The following HS3ST5 variants were observed in gnomAD, a reference collection of about 807,000 sequenced individuals.
HS3ST5 encodes heparan sulfate glucosamine 3-O-sulfotransferase 5.
In HS3ST5, 10 loss-of-function variants were observed where a neutral mutation model predicts 25.4. The ratio of observed to expected loss-of-function variants is 0.39; its 90% CI spans 0.24 to 0.67. The LOEUF (loss-of-function observed/expected upper bound fraction) is 0.67, where lower values mean the gene tolerates loss of function less well. Ranked by LOEUF, HS3ST5 falls within the 30% of genes least tolerant of loss-of-function variation. The pLI is 0.44. For missense variants in HS3ST5, 324 were observed against 420.7 expected, an observed-to-expected ratio of 0.77 and a Z score of 2.01; for synonymous variants, 170 against 162.4, an observed-to-expected ratio of 1.05 and a Z score of -0.36.
At chr6:114,100,393 G>A (rs1248847707) in intron 3 of HS3ST5, among the ~76,000 whole-genome samples, 1 of 152,192 alleles carries the variant, frequency 6.6e-6, no homozygotes, top group Non-Finnish European at 1.5e-5. Flanking sequence ...ACTCATAGAC[G>A]AGCAGTAGTA....
chr6:114,064,647 G>A (rs1474201773), intron 3 of HS3ST5, among the ~76,000 whole-genome samples: 1 of 152,178 alleles, frequency 6.6e-6, no homozygotes, highest in Non-Finnish European at 1.5e-5. Flanking sequence ...GAGAATAGTG[G>A]CCAATTAAAT....
In HS3ST5 at chr6:114,266,948, T is replaced by C. The variant is rs1201226523; in HGVS notation, c.-338-38170A>G. ...AAGATACACTTTTTGGTACCTGTTG[T>C]TTTCATGTCTGCAGAGAACACTTGG... On this transcript the variant is annotated intron_variant, in intron 1 of 4. Coordinates refer to ENST00000312719, the MANE Select transcript of HS3ST5 (RefSeq NM_153612.4). 5.3e-5 allele frequency among the ~76,000 whole-genome samples: 8 copies of C among 152,316 alleles called. No homozygotes were observed. In the East Asian group the frequency reaches 1.3e-3, roughly 26 times the overall value.
chr6:114,192,535 TTGAATAA>T (rs1780552768), intron 2 of HS3ST5, among the ~76,000 whole-genome samples: 1 of 152,148 alleles, frequency 6.6e-6, no homozygotes, highest in East Asian at 1.9e-4. Context: ...TTGAAGGAAT[TTGAATAA>T]TGATACATTC....
intron 2 of HS3ST5, among the ~76,000 whole-genome samples, chr6:114,195,238 A>G (rs376170224): frequency 6.8e-4 from 104 of 152,282 alleles, no homozygotes; most frequent in African/African-American, 2.3e-3. Context: ...CTAGTTTTCT[A>G]GGTCAGGCCA....
intron 1 of HS3ST5, among the ~76,000 whole-genome samples, chr6:114,252,638 T>G (rs1280720821): frequency 1.3e-5 from 2 of 150,162 alleles, no homozygotes; most frequent in Non-Finnish European, 3.0e-5. Flanking sequence ...TGCCTTCTTT[T>G]GAAAAAAAAA....
chr6:114,285,233 T>G (rs747201972), intron 1 of HS3ST5, among the ~76,000 whole-genome samples: 1 of 151,880 alleles, frequency 6.6e-6, no homozygotes, highest in South Asian at 2.1e-4. Context: ...AAGTGGGAGC[T>G]GAATGATGAG....
In HS3ST5 at chr6:114,222,179, T is replaced by C. The variant is rs1437604957; in HGVS notation, c.-145+6406A>G. Reference sequence around the variant, plus strand: ...ATCTCACGTCTCATATCTTGTCATATTGTTTCTTATCCATTTTATGTTTTA... The same window carrying C: ...ATCTCACGTCTCATATCTTGTCATACTGTTTCTTATCCATTTTATGTTTTA... On this transcript the variant is annotated intron_variant, in intron 2 of 4. Transcript: ENST00000312719. Among the ~76,000 whole-genome samples the C allele has an allele frequency of 3.3e-5, 5 of 151,942 alleles. No homozygotes were observed. In the East Asian group the frequency reaches 5.8e-4, roughly 18 times the overall value.
chr6:114,171,780 G>A (rs1326112181), intron 2 of HS3ST5, among the ~76,000 whole-genome samples: 1 of 152,102 alleles, frequency 6.6e-6, no homozygotes, highest in Non-Finnish European at 1.5e-5. Context: ...TCTCAACTGT[G>A]AGATGCTTGT....
At chr6:114,284,986 C>G (rs140913255) in intron 1 of HS3ST5, among the ~76,000 whole-genome samples, 1 of 151,934 alleles carries the variant, frequency 6.6e-6, no homozygotes, top group Non-Finnish European at 1.5e-5. Flanking sequence ...TCTATTTGTA[C>G]GCTATTTTCA....
intron 1 of HS3ST5, among the ~76,000 whole-genome samples, chr6:114,291,253 C>T (rs1774564986): frequency 1.3e-5 from 2 of 152,088 alleles, no homozygotes; most frequent in Admixed American, 1.3e-4. Context: ...AAAACAGACA[C>T]ACAACTATGT....
intron 3 of HS3ST5, among the ~76,000 whole-genome samples, chr6:114,151,267 G>A (rs915658132): frequency 2.0e-5 from 3 of 152,168 alleles, no homozygotes; most frequent in African/African-American, 7.2e-5. Context: ...GTTCTACTTA[G>A]AGATCAAATG....
intron 1 of HS3ST5, among the ~76,000 whole-genome samples, chr6:114,239,419 G>T (rs1165209610): frequency 1.3e-5 from 2 of 152,158 alleles, no homozygotes; most frequent in East Asian, 3.9e-4. Flanking sequence ...GCCAAATGGG[G>T]CTAAAAGTGG....
intron 2 of HS3ST5, among the ~76,000 whole-genome samples, chr6:114,185,810 G>A (rs554508221): frequency 6.7e-6 from 1 of 150,244 alleles, no homozygotes; most frequent in East Asian, 2.0e-4. Context: ...TGCAATCCCA[G>A]CTCACGCAGC....
chr6:114,309,289 C>A (rs1343091131), intron 1 of HS3ST5, among the ~76,000 whole-genome samples: 1 of 152,114 alleles, frequency 6.6e-6, no homozygotes, highest in African/African-American at 2.4e-5. Flanking sequence ...ATAGAGTTGT[C>A]CAGAAGAGAT....
intron 1 of HS3ST5, among the ~76,000 whole-genome samples, chr6:114,310,628 G>A (rs1243194786): frequency 6.6e-6 from 1 of 151,556 alleles, no homozygotes; most frequent in Non-Finnish European, 1.5e-5. Flanking sequence ...GTTGTATATA[G>A]ATGCTCTTTG....
At chr6:114,107,197 T>G (rs1389634009) in intron 3 of HS3ST5, among the ~76,000 whole-genome samples, 3 of 152,116 alleles carry the variant, frequency 2.0e-5, no homozygotes, top group Non-Finnish European at 4.4e-5. Flanking sequence ...AAATAATTCA[T>G]CATGAACAAG....
chr6:114,341,222 G>GGAGAGGGAGA (rs1776841397), intron 1 of HS3ST5, among the ~76,000 whole-genome samples: 1 of 46,634 alleles, frequency 2.1e-5, no homozygotes, highest in African/African-American at 1.2e-4. Context: ...GGAGAGAGGG[G>GGAGAGGGAGA]GAGAGAGAGA....
intron 3 of HS3ST5, among the ~76,000 whole-genome samples, chr6:114,144,898 G>C (rs1778078791): frequency 6.6e-6 from 1 of 152,194 alleles, no homozygotes; most frequent in African/African-American, 2.4e-5. Flanking sequence ...GTTTATGTCT[G>C]CCTAACTTGT....
chr6:114,309,701 C>A (rs1475695170), intron 1 of HS3ST5, among the ~76,000 whole-genome samples: 1 of 152,130 alleles, frequency 6.6e-6, no homozygotes, highest in Non-Finnish European at 1.5e-5. Context: ...CCACTGCACT[C>A]CAGCCTGGGC....
Sources: gnomAD v4.1 joint callset for allele counts (sites outside exome capture counted in the v4.1 genomes callset) on GRCh38, gnomAD v4.1.1 for gene constraint, MANE v1.5 for transcripts, NCBI Gene and HGNC (gene_info 2026-07-23, HGNC 2026-07-21) for gene names.